Variants in FRMD4A observed in about 807,000 individuals in gnomAD.
FRMD4A encodes the protein FERM domain containing 4A, also known as FERM domain-containing protein 4A.
In FRMD4A, 29 loss-of-function variants were observed where a neutral mutation model predicts 129.1. The observed-to-expected ratio is 0.22, with a 90% CI of 0.17 to 0.31. The LOEUF is 0.31. FRMD4A is among the 10% of genes least tolerant of loss of function. The probability of loss-of-function intolerance (pLI) is 1.00; values close to 1 mark genes in which losing one functional copy is unlikely to be tolerated. For synonymous variants in FRMD4A, 634 were observed against 571.6 expected, an observed-to-expected ratio of 1.11 and a Z score of -1.56; for missense variants, 1,272 against 1,375.8, an observed-to-expected ratio of 0.92 and a Z score of 1.19.
At chr10:13,969,216 C>T (rs1199911149) in intron 2 of FRMD4A, among the ~76,000 whole-genome samples, 1 of 152,206 alleles carries the variant, frequency 6.6e-6, no homozygotes, top group Non-Finnish European at 1.5e-5. Flanking sequence ...TTTAGACTTG[C>T]CATCCTGGCT....
intron 12 of FRMD4A, among the ~76,000 whole-genome samples, chr10:13,715,335 A>G (rs1381964335): frequency 6.6e-6 from 1 of 152,198 alleles, no homozygotes; most frequent in African/African-American, 2.4e-5. Flanking sequence ...GAGAATGTCA[A>G]GCTGCAATTC....
chr10:14,284,006 A>G (rs946863225), intron 2 of FRMD4A, among the ~76,000 whole-genome samples: 2 of 151,660 alleles, frequency 1.3e-5, no homozygotes, highest in Admixed American at 1.3e-4. Context: ...TCAAACAAAT[A>G]GTTGGTAAGT....
chr10:13,972,109 G>C, intron 2 of FRMD4A: 10 of 1,090,090 alleles, frequency 9.2e-6, no homozygotes, highest in Non-Finnish European at 1.1e-5. Flanking sequence ...TGCAGATAAC[G>C]GCACATCCCT....
intron 2 of FRMD4A, among the ~76,000 whole-genome samples, chr10:14,185,789 A>C (rs1180104148): frequency 1.3e-5 from 2 of 152,234 alleles, no homozygotes; most frequent in African/African-American, 4.8e-5. Context: ...CGTACAATCC[A>C]GACTAGTCCT....
intron 2 of FRMD4A, among the ~76,000 whole-genome samples, chr10:14,060,457 T>A (rs1285056116): frequency 6.6e-6 from 1 of 152,192 alleles, no homozygotes; most frequent in Non-Finnish European, 1.5e-5. Flanking sequence ...CTTAAGGGCA[T>A]CTAAGGTGAC....
At chr10:13,716,774 G>A (rs573758822) in intron 12 of FRMD4A, among the ~76,000 whole-genome samples, 3 of 152,286 alleles carry the variant, frequency 2.0e-5, no homozygotes, top group South Asian at 4.1e-4. Flanking sequence ...CCATTGAGAC[G>A]CAGGCCATTT....
At chr10:13,903,160 C>T (rs1477070802) in intron 2 of FRMD4A, among the ~76,000 whole-genome samples, 1 of 152,128 alleles carries the variant, frequency 6.6e-6, no homozygotes, top group Non-Finnish European at 1.5e-5. Context: ...GGTCCCTGCT[C>T]AGATGTACCC....
intron 12 of FRMD4A, among the ~76,000 whole-genome samples, chr10:13,737,636 T>C (rs1358001786): frequency 6.6e-6 from 1 of 152,074 alleles, no homozygotes; most frequent in Non-Finnish European, 1.5e-5. Flanking sequence ...ACAGCTTAGA[T>C]TTCCTTAGAG....
At chr10:13,913,199 C>T (rs773215135) in intron 2 of FRMD4A, among the ~76,000 whole-genome samples, 4 of 152,052 alleles carry the variant, frequency 2.6e-5, no homozygotes, top group Non-Finnish European at 4.4e-5. Flanking sequence ...CACATATTGT[C>T]TGAGTCCACT....
intron 2 of FRMD4A, among the ~76,000 whole-genome samples, chr10:13,921,801 C>T (rs1165511934): frequency 6.6e-6 from 1 of 152,168 alleles, no homozygotes; most frequent in Non-Finnish European, 1.5e-5. Context: ...AGTGCTCTTA[C>T]ATTATTTTAC....
intron 15 of FRMD4A, among the ~76,000 whole-genome samples, chr10:13,678,754 T>C (rs949836985): frequency 6.6e-6 from 1 of 152,202 alleles, no homozygotes; most frequent in African/African-American, 2.4e-5. Context: ...AAAGGAACAA[T>C]ACGAACTAGG....
chr10:13,663,464 A>G lies in FRMD4A; in HGVS notation c.1649T>C (p.Val550Ala). 6.5e-7 allele frequency: 1 copy of G among 1,540,648 alleles called. No individual in the cohort carries two copies. Among genetic ancestry groups the G allele is most frequent in the South Asian group, 1.1e-5 (1 of 89,618 alleles). The part of the protein sequence containing the change: ...SEDSSLSDAL[V>A]LEDEDSQVTS... ...ATGCATAAACCTACCATCCTCAAGA[A>G]CAAGGGCATCTGAGAGGGAGCTGTC... is the stretch of plus-strand genomic sequence containing the variant. Residue 550 changes from valine (V) to alanine (A), a missense_variant, in exon 19 of 25, where the codon GTT becomes GCT. This residue lies in a region of FRMD4A where 972 missense variants were observed against 892.3 expected (regional missense o/e 1.09). Transcript: ENST00000357447.
At chr10:13,997,322 A>G (rs932461330) in intron 2 of FRMD4A, among the ~76,000 whole-genome samples, 36 of 152,158 alleles carry the variant, frequency 2.4e-4, no homozygotes, top group African/African-American at 8.0e-4. Context: ...TCACCCCAAG[A>G]GTCTCTACCA....
intron 2 of FRMD4A, among the ~76,000 whole-genome samples, chr10:14,128,884 G>A (rs1338238564): frequency 2.6e-5 from 4 of 152,052 alleles, no homozygotes; most frequent in Non-Finnish European, 5.9e-5. Flanking sequence ...ACAGTCAGAC[G>A]AAGTAAAGAA....
intron 2 of FRMD4A, among the ~76,000 whole-genome samples, chr10:14,018,455 CAAAAAAAAAAAAA>C (rs71388151): frequency 1.5e-4 from 9 of 59,250 alleles, no homozygotes; most frequent in Non-Finnish European, 2.3e-4. Flanking sequence ...GACTCCATCT[CAAAAAAAAAAAAA>C]AAAAAAAAAA....
At chr10:14,296,280 G>T (rs933540601) in intron 2 of FRMD4A, among the ~76,000 whole-genome samples, 1 of 152,180 alleles carries the variant, frequency 6.6e-6, no homozygotes, top group South Asian at 2.1e-4. Context: ...GAAGCCCCAG[G>T]CCAGGGCTCC....
At chr10:13,655,867 G>A (rs1057068134) in intron 22 of FRMD4A, 2 of 152,120 alleles carry the variant, frequency 1.3e-5, no homozygotes, top group Admixed American at 6.5e-5. Flanking sequence ...TGCTGAGACC[G>A]GAGCACGAGG....
At chr10:13,878,455 A>G (rs1176864196) in intron 2 of FRMD4A, among the ~76,000 whole-genome samples, 2 of 152,190 alleles carry the variant, frequency 1.3e-5, no homozygotes, top group Non-Finnish European at 2.9e-5. Context: ...AACCTTCAGA[A>G]AAGACCTGGA....
At chr10:14,009,397 C>T (rs2095673290) in intron 2 of FRMD4A, among the ~76,000 whole-genome samples, 1 of 152,008 alleles carries the variant, frequency 6.6e-6, no homozygotes, top group South Asian at 2.1e-4. Flanking sequence ...TGGCCATTTC[C>T]TTTGTAATCA....
Sources: allele counts gnomAD v4.1 joint callset (sites outside exome capture counted in the v4.1 genomes callset), GRCh38; gene constraint gnomAD v4.1.1; regional missense constraint gnomAD v4.1.1; transcripts MANE v1.5; gene names NCBI Gene and HGNC (gene_info 2026-07-23, HGNC 2026-07-21).